The following FARS2 variants were observed in gnomAD, a reference collection of about 807,000 sequenced individuals.
The protein encoded by FARS2 is phenylalanine--tRNA ligase, mitochondrial.
A neutral mutation model predicts 46.4 loss-of-function variants in FARS2; 40 were observed. That is an observed-to-expected ratio of 0.86 (90% CI 0.67 to 1.12). The LOEUF (loss-of-function observed/expected upper bound fraction) is 1.12. FARS2 is among the 50% of genes most tolerant of loss of function. The pLI is 0.00. For synonymous variants in FARS2, 234 were observed against 214.9 expected, an observed-to-expected ratio of 1.09 and a Z score of -0.78; for missense variants, 513 against 567.9, an observed-to-expected ratio of 0.90 and a Z score of 0.98.
chr6:5,582,837 TATC>T (rs1325847605), intron 5 of FARS2, among the ~76,000 whole-genome samples: 4 of 152,258 alleles, frequency 2.6e-5, no homozygotes, highest in Non-Finnish European at 4.4e-5. Flanking sequence ...AAGTTTATGA[TATC>T]ATTGTGGTTG....
At chr6:5,303,829 C>T (rs1265721261) in intron 1 of FARS2, among the ~76,000 whole-genome samples, 1 of 152,058 alleles carries the variant, frequency 6.6e-6, no homozygotes, top group African/African-American at 2.4e-5. Context: ...GGGGAATTCT[C>T]TGCCTCGGGA....
At chr6:5,421,808 A>G (rs909559949) in intron 3 of FARS2, among the ~76,000 whole-genome samples, 2 of 152,194 alleles carry the variant, frequency 1.3e-5, no homozygotes, top group Admixed American at 6.5e-5. Flanking sequence ...CCATATCACT[A>G]TCAGCTTTTG....
At chr6:5,434,991 A>G (rs1010886554) in intron 4 of FARS2, among the ~76,000 whole-genome samples, 2 of 152,186 alleles carry the variant, frequency 1.3e-5, no homozygotes, top group Non-Finnish European at 1.5e-5. Context: ...AGCATGCTGT[A>G]TATGCTTTCT....
chr6:5,300,133 C>A (rs1768193175), intron 1 of FARS2, among the ~76,000 whole-genome samples: 1 of 151,980 alleles, frequency 6.6e-6, no homozygotes, highest in Non-Finnish European at 1.5e-5. Flanking sequence ...ATGTAGGATC[C>A]CTGGTAGATT....
At chr6:5,272,246 T>TGA in intron 1 of FARS2, among the ~76,000 whole-genome samples, 1 of 152,304 alleles carries the variant, frequency 6.6e-6, no homozygotes, top group East Asian at 1.9e-4. Context: ...TGAGGTACTT[T>TGA]GAGAGAGAGA....
chr6:5,467,907 A>G (rs934977791), intron 4 of FARS2, among the ~76,000 whole-genome samples: 4 of 152,208 alleles, frequency 2.6e-5, no homozygotes, highest in Admixed American at 2.0e-4. Context: ...CTATGTTTCA[A>G]AACATTTATT....
intron 5 of FARS2, among the ~76,000 whole-genome samples, chr6:5,579,322 G>A (rs1773188403): frequency 6.6e-6 from 1 of 152,060 alleles, no homozygotes. Context: ...GTGCAGCGGT[G>A]CAATCTCGGC....
chr6:5,294,007 C>T (rs879489231), intron 1 of FARS2, among the ~76,000 whole-genome samples: 1 of 152,210 alleles, frequency 6.6e-6, no homozygotes, highest in Non-Finnish European at 1.5e-5. Flanking sequence ...CACATACACA[C>T]ACAGCACGAA....
At chr6:5,430,695 A>G (rs1763111126) in intron 3 of FARS2, among the ~76,000 whole-genome samples, 1 of 152,176 alleles carries the variant, frequency 6.6e-6, no homozygotes, top group South Asian at 2.1e-4. Flanking sequence ...CTCTGAAATA[A>G]TGTCATTTTC....
chr6:5,432,016 A>G (rs1763199035), intron 4 of FARS2, among the ~76,000 whole-genome samples: 1 of 151,290 alleles, frequency 6.6e-6, no homozygotes, highest in East Asian at 1.9e-4. Flanking sequence ...ATTTAATATA[A>G]TTTAATTAAT....
intron 6 of FARS2, among the ~76,000 whole-genome samples, chr6:5,692,662 G>A (rs1449852820): frequency 6.6e-6 from 1 of 152,214 alleles, no homozygotes; most frequent in Non-Finnish European, 1.5e-5. Context: ...AACAATGTTA[G>A]CAGAGGAATA....
the FARS2 span, among the ~76,000 whole-genome samples, chr6:5,250,239 T>C: frequency 6.6e-6 from 1 of 152,068 alleles, no homozygotes. Flanking sequence ...GTTTTAAAAA[T>C]GCTTTAAAGG....
chr6:5,684,657 C>G (rs9378980), intron 6 of FARS2, among the ~76,000 whole-genome samples: 70,817 of 151,994 alleles, frequency 0.47, 16,792 homozygotes, highest in Non-Finnish European at 0.5. Flanking sequence ...GCTTCTTTCT[C>G]TCTCTTAAAT....
chr6:5,505,940 A>G (rs757677605), intron 4 of FARS2, among the ~76,000 whole-genome samples: 1 of 152,196 alleles, frequency 6.6e-6, no homozygotes, highest in Non-Finnish European at 1.5e-5. Context: ...TGGCAGCCAG[A>G]AGAGTCTTTT....
chr6:5,276,388 AT>A (rs1766336907), intron 1 of FARS2, among the ~76,000 whole-genome samples: 1 of 152,174 alleles, frequency 6.6e-6, no homozygotes, highest in South Asian at 2.1e-4. Context: ...CACATAATTT[AT>A]TTCCTACATC....
At position 5,660,285 on chromosome 6, in the gene FARS2, T is replaced by C. The variant is rs373660999; in HGVS notation, c.1217+46965T>C. ...AGACTAGAGGGGAAATTAACTTTCA[T>C]GGAATAATCACACATGTAGATGTGA... On this transcript the variant is annotated intron_variant, in intron 6 of 6. Coordinates refer to ENST00000274680, the MANE Select transcript of FARS2 (RefSeq NM_006567.5). Among the ~76,000 whole-genome samples, 6 of 152,180 alleles carry C rather than the reference T, an allele frequency of 3.9e-5. No homozygotes were observed. The East Asian group carries it at 7.7e-4, about 20-fold the overall frequency.
chr6:5,609,329 A>G lies in FARS2; in HGVS notation c.1066-3840A>G, dbSNP rs550067663. 280 of 1,160,246 alleles carry G rather than the reference A, an allele frequency of 2.4e-4. 1 individual carries two copies. Among genetic ancestry groups the G allele is most frequent in the South Asian group, 6.4e-4 (53 of 82,336 alleles). The allele number at this position is 1,160,246 out of a possible 1,614,324, so 71.9% of individuals were successfully genotyped here. On this transcript the variant is annotated intron_variant, in intron 5 of 6. Transcript: ENST00000274680. ...AGTATTGGCCTCTACCACCATAGGG[A>G]CCAGAGCTTCTGCCTCCAAAGTTTC...
rs140141262 is a variant in FARS2 at position 5,305,914 on chromosome 6, C to T, written c.-22+44254C>T. 2.4e-3 allele frequency among the ~76,000 whole-genome samples: 363 copies of T among 152,236 alleles called. 2 individuals are homozygous for T. Among genetic ancestry groups the T allele is most frequent in the Middle Eastern group, 0.01 (3 of 294 alleles). ...TATACTGAGTGCCAAGAGACAGTGC[C>T]GGATCAAAATTCAATTCTATTCAAA... On this transcript the variant is annotated intron_variant, in intron 1 of 6. Transcript: ENST00000274680.
chr6:5,288,747 A>G (rs1316430934), intron 1 of FARS2, among the ~76,000 whole-genome samples: 7 of 152,184 alleles, frequency 4.6e-5, no homozygotes, highest in Non-Finnish European at 8.8e-5. Context: ...CTCTTAAAAG[A>G]CAGAGAATTA....
Sources: allele counts gnomAD v4.1 joint callset (sites outside exome capture counted in the v4.1 genomes callset), GRCh38; gene constraint gnomAD v4.1.1; transcripts MANE v1.5; gene names NCBI Gene and HGNC (gene_info 2026-07-23, HGNC 2026-07-21).